The following TRAK2 variants were observed in gnomAD, a reference collection of about 807,000 sequenced individuals.
TRAK2 encodes the protein trafficking kinesin-binding protein 2.
A neutral mutation model predicts 104.6 loss-of-function variants in TRAK2; 81 were observed. That is an observed-to-expected ratio of 0.77 (90% confidence interval 0.65 to 0.93). TRAK2 has a LOEUF of 0.93. Among genes scored for constraint, TRAK2 ranks in the 40% least tolerant of loss-of-function variants. The probability of loss-of-function intolerance (pLI) is 0.00; values close to 1 mark genes in which losing one functional copy is unlikely to be tolerated. For missense variants in TRAK2, 1,002 were observed against 1,089.0 expected, an observed-to-expected ratio of 0.92 and a Z score of 1.12; for synonymous variants, 406 against 394.4, an observed-to-expected ratio of 1.03 and a Z score of -0.35.
intron 1 of TRAK2, among the ~76,000 whole-genome samples, chr2:201,433,065 C>T (rs1951854973): frequency 6.6e-6 from 1 of 152,184 alleles, no homozygotes; most frequent in African/African-American, 2.4e-5. Context: ...CAGAGACTCA[C>T]TAATTTTAAT....
chr2:201,418,567 T>C (rs964311755), intron 2 of TRAK2, among the ~76,000 whole-genome samples: 2 of 152,160 alleles, frequency 1.3e-5, no homozygotes, highest in Non-Finnish European at 2.9e-5. Context: ...GGTATTTCTG[T>C]AAAGATAGAC....
chr2:201,401,169 G>A, intron 3 of TRAK2, 75 bp from the exon 4 acceptor site: 13 of 961,254 alleles, frequency 1.4e-5, no homozygotes, highest in South Asian at 4.0e-5. Flanking sequence ...AGAATTGAGA[G>A]ATAACAACAA....
At chr2:201,417,683 C>A (rs1193416950) in intron 2 of TRAK2, among the ~76,000 whole-genome samples, 1 of 152,048 alleles carries the variant, frequency 6.6e-6, no homozygotes, top group Non-Finnish European at 1.5e-5. Flanking sequence ...TTTGCTCTTA[C>A]CATTTTTATT....
chr2:201,408,891 T>C (rs915820691), intron 2 of TRAK2, among the ~76,000 whole-genome samples: 1 of 152,236 alleles, frequency 6.6e-6, no homozygotes, highest in Non-Finnish European at 1.5e-5. Flanking sequence ...AAAAATTGCA[T>C]TAAATTTTAC....
chr2:201,441,376 C>T (rs937288839), intron 1 of TRAK2, among the ~76,000 whole-genome samples: 1 of 152,158 alleles, frequency 6.6e-6, no homozygotes, highest in Non-Finnish European at 1.5e-5. Context: ...GCATTTGCAG[C>T]TGATCATGAA....
chr2:201,389,942 C>T lies in TRAK2; in HGVS notation c.1114-62G>A, dbSNP rs1951430792. On this transcript the variant is annotated intron_variant, in intron 10 of 15. Transcript: ENST00000332624. ...TGCCCTTAAATTAACAGAGTCTCTA[C>T]AATCCTATACTTTTGGTTTTATAAT... 4 of 1,265,654 alleles carry T rather than the reference C, an allele frequency of 3.2e-6. No homozygotes were observed. In the African/African-American group the frequency reaches 4.5e-5, roughly 14 times the overall value. 78.4% of individuals were successfully genotyped at this position (1,265,654 alleles called of 1,614,324 possible).
At chr2:201,442,042 C>T (rs1951928974) in intron 1 of TRAK2, among the ~76,000 whole-genome samples, 1 of 151,688 alleles carries the variant, frequency 6.6e-6, no homozygotes, top group African/African-American at 2.4e-5. Context: ...TCAACTTACA[C>T]CACTGGCCTG....
At chr2:201,400,338 T>C (rs1328683486) in intron 4 of TRAK2, among the ~76,000 whole-genome samples, 1 of 152,132 alleles carries the variant, frequency 6.6e-6, no homozygotes. Flanking sequence ...GTAATTATTA[T>C]ATAAATAAAA....
chr2:201,383,302 T>C lies in TRAK2; in HGVS notation c.2069+809A>G, dbSNP rs369374068. Among the ~76,000 whole-genome samples, 11 of 152,296 alleles carry C rather than the reference T, an allele frequency of 7.2e-5. No individual in the cohort carries two copies. In the South Asian group the frequency reaches 2.3e-3, roughly 32 times the overall value. On this transcript the variant is annotated intron_variant, in intron 15 of 15. Coordinates refer to ENST00000332624, the MANE Select transcript of TRAK2 (RefSeq NM_015049.3). ...GAGTGGAGGCTGATCACACTAAATC[T>C]TAGGGTGAGCCAGGCCACACCCAGT...
At chr2:201,389,563 A>G (rs1951425854) in intron 11 of TRAK2, 60 bp from the exon 12 acceptor site, 1 of 1,454,928 alleles carries the variant, frequency 6.9e-7, no homozygotes, top group Non-Finnish European at 9.5e-7. Context: ...TCTAGAGAAG[A>G]GAATGTATGT....
At chr2:201,389,703 T>C (rs1002915969) in intron 11 of TRAK2, 98 bp downstream of exon 11, 8 of 1,193,626 alleles carry the variant, frequency 6.7e-6, no homozygotes, top group Admixed American at 2.2e-5. Context: ...AGTAAGCAAA[T>C]TACTACTGAA....
intron 2 of TRAK2, among the ~76,000 whole-genome samples, chr2:201,409,282 T>C (rs931254440): frequency 2.0e-5 from 3 of 151,282 alleles, no homozygotes; most frequent in Non-Finnish European, 4.4e-5. Context: ...ATGTCAGCTT[T>C]TTTTTTTTTT....
intron 1 of TRAK2, among the ~76,000 whole-genome samples, chr2:201,428,499 C>G (rs1413214165): frequency 7.3e-5 from 11 of 151,318 alleles, no homozygotes; most frequent in Admixed American, 6.6e-4. Flanking sequence ...TATTATTTTT[C>G]AGGGCTCTGT....
At chr2:201,417,983 A>C (rs1951708069) in intron 2 of TRAK2, among the ~76,000 whole-genome samples, 1 of 152,228 alleles carries the variant, frequency 6.6e-6, no homozygotes, top group Non-Finnish European at 1.5e-5. Flanking sequence ...GACTAAATTT[A>C]ACAAAATATG....
At chr2:201,387,525 T>C (rs1559437589) in intron 13 of TRAK2, among the ~76,000 whole-genome samples, 178 bp downstream of exon 13, 3 of 152,120 alleles carry the variant, frequency 2.0e-5, no homozygotes, top group Non-Finnish European at 4.4e-5. Context: ...AATGCAACTC[T>C]CTTCATTCAT....
rs1451043526 is a variant in TRAK2, at chr2:201,379,978, A to T, written c.*565T>A. 1 of 153,006 alleles carries T rather than the reference A, an allele frequency of 6.5e-6. No homozygotes were observed. Among genetic ancestry groups the T allele is most frequent in the Non-Finnish European group, 1.5e-5 (1 of 68,648 alleles). 9.5% of individuals were successfully genotyped at this position (153,006 alleles called of 1,614,324 possible). On this transcript the variant is annotated 3_prime_UTR_variant, in exon 16 of 16. Coordinates refer to ENST00000332624, the MANE Select transcript of TRAK2 (RefSeq NM_015049.3). ...ACCTGTGATTCAATGAAAAAGATGA[A>T]ACTCCTAATTTTGCTAATGCTGCGA...
At position 201,384,213 on chromosome 2, in the gene TRAK2, G is replaced by T; in HGVS notation, c.1967C>A (p.Ala656Glu). The change falls in exon 15 of 16, where the codon GCA becomes GAA. Residue 656 changes from alanine (A) to glutamate (E), a missense_variant. By Grantham distance (107) the Ala-to-Glu change is moderately radical (BLOSUM62 -1). Coordinates refer to ENST00000332624, the MANE Select transcript of TRAK2 (RefSeq NM_015049.3). ...ITSAGGPVTVATANPGKCLSC... is the reference protein window; with the variant it reads ...ITSAGGPVTVETANPGKCLSC... ...CAGGCACTTTCCTGGGTTGGCGGTT[G>T]CAACTGAAATAGATTTTTAGGGAGC... 6.2e-7 allele frequency: 1 copy of T among 1,611,340 alleles called. No individual in the cohort carries two copies. Among genetic ancestry groups the T allele is most frequent in the Non-Finnish European group, 8.5e-7 (1 of 1,178,776 alleles).
chr2:201,411,657 T>C (rs1282507633), intron 2 of TRAK2: 4 of 793,644 alleles, frequency 5.0e-6, no homozygotes, highest in African/African-American at 3.4e-5. Flanking sequence ...TCCCAACTTA[T>C]GAGTAAAAGT....
At chr2:201,410,947 T>A in intron 2 of TRAK2, 1 of 1,570,230 alleles carries the variant, frequency 6.4e-7, no homozygotes, top group African/African-American at 1.4e-5. Flanking sequence ...CTTGGACTAC[T>A]GTAGAAGTTC....
Sources: allele counts gnomAD v4.1 joint callset (sites outside exome capture counted in the v4.1 genomes callset), GRCh38; gene constraint gnomAD v4.1.1; transcripts MANE v1.5; gene names NCBI Gene and HGNC (gene_info 2026-07-23, HGNC 2026-07-21).